PPP2R2A: variants seen among roughly 807,000 people sequenced by gnomAD.
PPP2R2A encodes serine/threonine-protein phosphatase 2A 55 kDa regulatory subunit B alpha isoform.
A neutral mutation model predicts 53.2 loss-of-function variants in PPP2R2A; 9 were observed. The observed-to-expected ratio is 0.17, with a 90% CI of 0.10 to 0.30. The LOEUF is 0.30. PPP2R2A is among the 10% of genes least tolerant of loss of function. PPP2R2A has a pLI of 1.00. For missense variants in PPP2R2A, 235 were observed against 534.6 expected, an observed-to-expected ratio of 0.44 and a Z score of 5.53; for synonymous variants, 169 against 174.2, an observed-to-expected ratio of 0.97 and a Z score of 0.23.
chr8:26,334,384 C>T (rs1056460123), intron 2 of PPP2R2A, among the ~76,000 whole-genome samples: 3 of 152,278 alleles, frequency 2.0e-5, no homozygotes, highest in East Asian at 1.9e-4. Flanking sequence ...TTTTAAAAAA[C>T]ATGATACACA....
intron 2 of PPP2R2A, among the ~76,000 whole-genome samples, chr8:26,294,741 T>C (rs2117180349): frequency 6.6e-6 from 1 of 152,176 alleles, no homozygotes. Flanking sequence ...AGGTGGTGGG[T>C]GGTAGCCGAA....
intron 4 of PPP2R2A, chr8:26,359,029 A>G: frequency 2.2e-6 from 1 of 448,302 alleles, no homozygotes; most frequent in South Asian, 1.6e-5. Context: ...TAACGCCACC[A>G]GCTGTAAGTC....
intron 4 of PPP2R2A, chr8:26,358,910 A>T (rs1563322138): frequency 2.2e-6 from 1 of 456,112 alleles, no homozygotes; most frequent in Non-Finnish European, 4.4e-6. Flanking sequence ...CTTTAAGTAC[A>T]GGCTGGATTT....
chr8:26,368,272 T>C (rs1053548067), intron 9 of PPP2R2A, among the ~76,000 whole-genome samples: 3 of 152,228 alleles, frequency 2.0e-5, no homozygotes, highest in African/African-American at 7.2e-5. Flanking sequence ...AAATAGATAA[T>C]AATTTGTACT....
At chr8:26,358,081 C>T (rs1345817106) in intron 4 of PPP2R2A, among the ~76,000 whole-genome samples, 1 of 148,196 alleles carries the variant, frequency 6.7e-6, no homozygotes, top group Non-Finnish European at 1.5e-5. Context: ...GCCTTGTCCC[C>T]ACCTTACTGA....
At chr8:26,369,363 A>G (rs1473511017) in intron 9 of PPP2R2A, among the ~76,000 whole-genome samples, 1 of 149,642 alleles carries the variant, frequency 6.7e-6, no homozygotes, top group Non-Finnish European at 1.5e-5. Context: ...AGTAGCTGGG[A>G]CTACAGGCAC....
intron 2 of PPP2R2A, among the ~76,000 whole-genome samples, chr8:26,334,521 G>A (rs569232988): frequency 4.6e-5 from 7 of 152,072 alleles, no homozygotes; most frequent in African/African-American, 1.4e-4. Context: ...CGAGGTAGGC[G>A]GATCACAAGG....
rs147098784 is a variant in PPP2R2A, at chr8:26,313,437, T to G, written c.82+19697T>G. On this transcript the variant is annotated intron_variant, in intron 2 of 9. Transcript: ENST00000380737. ...CTGAGGTCCGCTAGGCTCTTCCTAC[T>G]GCTCCTCCCAGCTTTCTTGGTGTTG... is the stretch of plus-strand genomic sequence containing the variant. Among the ~76,000 whole-genome samples, 19 of 152,352 alleles carry G rather than the reference T, an allele frequency of 1.2e-4. No homozygotes were observed. In the East Asian group the frequency reaches 3.7e-3, roughly 29 times the overall value.
chr8:26,336,783 C>A (rs10107750), intron 2 of PPP2R2A, among the ~76,000 whole-genome samples: 146,275 of 151,952 alleles, frequency 0.96, 70,446 homozygotes, highest in East Asian at 1. Flanking sequence ...CAAGAGACTG[C>A]GGTGGGAGGA....
At chr8:26,312,355 T>C (rs377518261) in intron 2 of PPP2R2A, among the ~76,000 whole-genome samples, 42 of 152,332 alleles carry the variant, frequency 2.8e-4, no homozygotes, top group African/African-American at 8.7e-4. Context: ...TTAGGTCTTG[T>C]GGGGGATCCT....
chr8:26,303,722 C>G (rs1333006806), intron 2 of PPP2R2A, among the ~76,000 whole-genome samples: 2 of 151,986 alleles, frequency 1.3e-5, no homozygotes, highest in African/African-American at 4.8e-5. Context: ...CAGCAGTTTT[C>G]TGTCCAGGTT....
intron 4 of PPP2R2A, among the ~76,000 whole-genome samples, chr8:26,357,652 G>A (rs1804862840): frequency 1.3e-5 from 2 of 152,060 alleles, no homozygotes; most frequent in South Asian, 2.1e-4. Context: ...AATAGGGTGT[G>A]TCTTAACAAC....
Position 26,366,311 on chromosome 8 carries a change from C to G in PPP2R2A, c.973-4C>G, listed in dbSNP as rs1366587488. On this transcript the variant is annotated splice_polypyrimidine_tract_variant and splice_region_variant and intron_variant, in intron 8 of 9. Coordinates refer to ENST00000380737, the MANE Select transcript of PPP2R2A (RefSeq NM_002717.4). ...AGTGCAGTATATTTGTATTTTTCCC[C>G]CAGGTGCATGAATACCTCAGAAGTA... 1.9e-6 allele frequency: 3 copies of G among 1,593,014 alleles called. No individual in the cohort carries two copies. The highest frequency in any genetic ancestry group is 2.6e-6 in the Non-Finnish European group (3 of 1,171,916).
chr8:26,359,057 C>A, intron 4 of PPP2R2A: 1 of 414,554 alleles, frequency 2.4e-6, no homozygotes, highest in South Asian at 1.7e-5. Flanking sequence ...TACCATGTAT[C>A]CCTTTGAACA....
chr8:26,301,356 G>A (rs1209126557), intron 2 of PPP2R2A, among the ~76,000 whole-genome samples: 3 of 141,414 alleles, frequency 2.1e-5, no homozygotes, highest in African/African-American at 5.3e-5. Context: ...TTTTTGAGAC[G>A]GGGTCTTGCT....
intron 3 of PPP2R2A, among the ~76,000 whole-genome samples, chr8:26,348,856 A>G (rs1025518099): frequency 1.1e-4 from 16 of 152,166 alleles, no homozygotes; most frequent in Admixed American, 8.5e-4. Context: ...GTGTGTGTGT[A>G]TGTATGTGTG....
intron 2 of PPP2R2A, among the ~76,000 whole-genome samples, chr8:26,331,900 T>G (rs1803397260): frequency 6.6e-6 from 1 of 152,232 alleles, no homozygotes; most frequent in South Asian, 2.1e-4. Context: ...ATGTTTAGAG[T>G]GTTTTATGAG....
At chr8:26,356,256 C>T (rs571182965) in intron 4 of PPP2R2A, among the ~76,000 whole-genome samples, 1 of 152,158 alleles carries the variant, frequency 6.6e-6, no homozygotes, top group East Asian at 1.9e-4. Context: ...TAATTGATGC[C>T]CCTCGTCCAC....
At chr8:26,350,333 G>C (rs146757097) in intron 3 of PPP2R2A, among the ~76,000 whole-genome samples, 3,302 of 152,278 alleles carry the variant, frequency 0.022, 33 homozygotes, top group Middle Eastern at 0.034. Flanking sequence ...AAAGTGCTGG[G>C]ATTACAGGCA....
Sources: allele counts gnomAD v4.1 joint callset (sites outside exome capture counted in the v4.1 genomes callset), GRCh38; gene constraint gnomAD v4.1.1; transcripts MANE v1.5; gene names NCBI Gene and HGNC (gene_info 2026-07-23, HGNC 2026-07-21).